Variants in NAA15 observed in about 807,000 individuals in gnomAD.
The protein encoded by NAA15 is N-alpha-acetyltransferase 15, NatA auxiliary subunit.
In NAA15, 34 loss-of-function variants were observed where a neutral mutation model predicts 114.0. The observed-to-expected ratio is 0.30, with a 90% CI of 0.23 to 0.40. NAA15 has a LOEUF of 0.40. Among genes scored for constraint, NAA15 ranks in the 10% least tolerant of loss-of-function variants. NAA15 has a pLI of 1.00. For missense variants in NAA15, 658 were observed against 1,004.5 expected (o/e 0.66, Z 4.66); for synonymous variants, 340 against 338.0 (o/e 1.01, Z -0.06).
chr4:139,329,187 A>G (rs929320856), intron 1 of NAA15, among the ~76,000 whole-genome samples: 7 of 151,804 alleles, frequency 4.6e-5, no homozygotes, highest in Non-Finnish European at 1.0e-4. Context: ...CAGCCTTAAT[A>G]CTGTATTTTC....
At position 139,305,459 on chromosome 4, in the gene NAA15, C is replaced by T. The variant is rs115555501; in HGVS notation, c.54+3628C>T. 6.0e-3 allele frequency among the ~76,000 whole-genome samples: 906 copies of T among 149,860 alleles called. 7 individuals are homozygous for T. Among genetic ancestry groups the T allele is most frequent in the African/African-American group, 0.021 (852 of 40,834 alleles). On this transcript the variant is annotated intron_variant, in intron 1 of 19. Coordinates refer to ENST00000296543, the MANE Select transcript of NAA15 (RefSeq NM_057175.5). ...TTTTAAGATTTTTTTTTTTTTTGCC[C>T]GGTCTGATAAAGGAAATGTTGGACA...
At chr4:139,381,431 T>C (rs537791170) in intron 17 of NAA15, among the ~76,000 whole-genome samples, 1 of 152,186 alleles carries the variant, frequency 6.6e-6, no homozygotes, top group Non-Finnish European at 1.5e-5. Context: ...TAGGTCTTTT[T>C]CCTCTCCCAT....
At chr4:139,336,198 G>A (rs1747195471) in intron 2 of NAA15, among the ~76,000 whole-genome samples, 1 of 152,042 alleles carries the variant, frequency 6.6e-6, no homozygotes, top group Non-Finnish European at 1.5e-5. Flanking sequence ...TAAAAAGTTA[G>A]GCAAATAATG....
intron 1 of NAA15, among the ~76,000 whole-genome samples, chr4:139,309,042 A>G (rs1407738234): frequency 6.6e-6 from 1 of 151,928 alleles, no homozygotes; most frequent in African/African-American, 2.4e-5. Flanking sequence ...TTACAAAATG[A>G]TTTTTCTGTA....
intron 14 of NAA15, among the ~76,000 whole-genome samples, chr4:139,364,354 T>G (rs1036804319): frequency 6.6e-6 from 1 of 152,162 alleles, no homozygotes; most frequent in African/African-American, 2.4e-5. Flanking sequence ...AAAATATATT[T>G]ATGAATATCT....
rs776780615 is a variant in NAA15 at position 139,388,064 on chromosome 4, G to A, written c.2581G>A (p.Glu861Lys). 1 of 1,613,640 alleles carries A rather than the reference G, an allele frequency of 6.2e-7. No homozygotes were observed. The highest frequency in any genetic ancestry group is 1.7e-5 in the Admixed American group (1 of 59,976). ...VNGDSSAEAE[E>K]LANEI is the part of the protein sequence containing the mutation. The stretch of plus-strand genomic sequence containing the variant: ...TGGAGATAGTTCTGCAGAAGCTGAA[G>A]AACTGGCCAATGAAATTTGAACATC... The change falls in exon 20 of 20, where the codon GAA (glutamate) becomes AAA (lysine). Residue 861 changes from glutamate (E) to lysine (K), a missense_variant. Transcript: ENST00000296543.
At chr4:139,387,380 G>T (rs1748938416) in intron 19 of NAA15, among the ~76,000 whole-genome samples, 1 of 152,178 alleles carries the variant, frequency 6.6e-6, no homozygotes, top group Non-Finnish European at 1.5e-5. Context: ...ACTCTTTTCT[G>T]CTTAGTTATT....
At chr4:139,345,575 T>C (rs1053968986) in intron 6 of NAA15, among the ~76,000 whole-genome samples, 5 of 152,166 alleles carry the variant, frequency 3.3e-5, no homozygotes, top group African/African-American at 1.2e-4. Flanking sequence ...ACAAAAGCAC[T>C]TTCTGAGCTT....
intron 7 of NAA15, among the ~76,000 whole-genome samples, chr4:139,350,868 A>G (rs1159671348): frequency 6.6e-6 from 1 of 152,188 alleles, no homozygotes; most frequent in Non-Finnish European, 1.5e-5. Flanking sequence ...GAGAGGAGTT[A>G]GAGGGGAGAA....
At position 139,376,251 on chromosome 4, in the gene NAA15, T is replaced by A. The variant is rs545829671; in HGVS notation, c.1948-114T>A. Reference sequence around the variant, plus strand: ...GGAGGTTAAAATATGACAGTGTTTTTCTGGGTGACTGGTAAGTGATTTTAT... The same window carrying A: ...GGAGGTTAAAATATGACAGTGTTTTACTGGGTGACTGGTAAGTGATTTTAT... On this transcript the variant is annotated intron_variant, in intron 15 of 19. Coordinates refer to ENST00000296543, the MANE Select transcript of NAA15 (RefSeq NM_057175.5). 249 of 645,772 alleles carry A rather than the reference T, an allele frequency of 3.9e-4. 2 individuals carry two copies. In the African/African-American group the frequency reaches 4.3e-3, roughly 11 times the overall value. The allele number at this position is 645,772 out of a possible 1,614,324, so 40.0% of individuals were successfully genotyped here.
intron 15 of NAA15, among the ~76,000 whole-genome samples, chr4:139,371,109 T>C (rs555331306): frequency 2.0e-5 from 3 of 152,352 alleles, no homozygotes; most frequent in Admixed American, 6.5e-5. Flanking sequence ...TAATTTGTTA[T>C]GTTAAAGCAA....
chr4:139,336,852 C>T lies in NAA15; in HGVS notation c.144C>T (p.Thr48=). 1.3e-6 allele frequency: 2 copies of T among 1,504,890 alleles called. No individual in the cohort carries two copies. Among genetic ancestry groups the T allele is most frequent in the South Asian group, 1.5e-5 (1 of 68,958 alleles). The allele number at this position is 1,504,890 out of a possible 1,614,324, so 93.2% of individuals were successfully genotyped here. ...CTTCTTTGTTTTTGAAAATAGAAAC[C>T]TTGGCTATGAAAGGATTAACATTGA... ...SNPKFAEHGE[T]LAMKGLTLNC... Residue 48 remains threonine (T), a synonymous_variant, in exon 3 of 20, where the codon ACC becomes ACT. Transcript: ENST00000296543.
At chr4:139,341,606 A>AAG (rs1410883020) in intron 4 of NAA15, among the ~76,000 whole-genome samples, 5 of 150,588 alleles carry the variant, frequency 3.3e-5, no homozygotes, top group Admixed American at 3.3e-4. Context: ...AAAAAAAAAA[A>AAG]AAAAAAAAAA....
chr4:139,350,206 G>T (rs906900484), intron 7 of NAA15, among the ~76,000 whole-genome samples: 4 of 152,188 alleles, frequency 2.6e-5, no homozygotes, highest in African/African-American at 9.7e-5. Flanking sequence ...ACTTTGGGAG[G>T]CTGGGGCGGG....
chr4:139,336,984 G>A lies in NAA15; in HGVS notation c.244+32G>A, dbSNP rs182183611. ...TTTTTGAGATATATTTAAGGTTTGA[G>A]TGGGGTGTTTTGAGCTAAGGCAGCA... On this transcript the variant is annotated intron_variant, in intron 3 of 19. Transcript: ENST00000296543. The A allele has an allele frequency of 3.5e-4, 505 of 1,450,078 alleles. 2 individuals are homozygous for A. In the African/African-American group the frequency reaches 6.5e-3, roughly 19 times the overall value. The allele number at this position is 1,450,078 out of a possible 1,614,324, so 89.8% of individuals were successfully genotyped here.
chr4:139,315,001 T>TCAGGTCAGGTCAGG (rs1553992509), intron 1 of NAA15, among the ~76,000 whole-genome samples: 45 of 74,332 alleles, frequency 6.1e-4, no homozygotes, highest in Non-Finnish European at 6.1e-4. Flanking sequence ...TTCAGTTCAG[T>TCAGGTCAGGTCAGG]TTAGTTTAGG....
chr4:139,373,445 A>G, intron 15 of NAA15, among the ~76,000 whole-genome samples: 1 of 152,214 alleles, frequency 6.6e-6, no homozygotes, highest in East Asian at 1.9e-4. Context: ...ATTATGTAGC[A>G]CATGACTATA....
At position 139,361,830 on chromosome 4, in the gene NAA15, G is replaced by T; in HGVS notation, c.1646G>T (p.Arg549Leu). Residue 549 changes from arginine (R) to leucine (L), a missense_variant, in exon 14 of 20, where the codon CGA becomes CTA. Transcript: ENST00000296543. ...TTATTAAAACTAGAAGATGTACTTC[G>T]ACAGCATCCATTTTACTTCAAGGCA... The part of the protein sequence containing the change: ...VDLLKLEDVL[R>L]QHPFYFKAAR... The T allele has an allele frequency of 6.2e-7, 1 of 1,613,294 alleles. No individual in the cohort carries two copies.
At chr4:139,327,918 G>A (rs1309596204) in intron 1 of NAA15, among the ~76,000 whole-genome samples, 1 of 152,200 alleles carries the variant, frequency 6.6e-6, no homozygotes, top group East Asian at 1.9e-4. Flanking sequence ...ACCCGTCTCA[G>A]CCTCCCAAAG....
Sources: allele counts gnomAD v4.1 joint callset (sites outside exome capture counted in the v4.1 genomes callset), GRCh38; gene constraint gnomAD v4.1.1; transcripts MANE v1.5; gene names NCBI Gene and HGNC (gene_info 2026-07-23, HGNC 2026-07-21).